The following TAFA1 variants were observed in gnomAD, a reference collection of about 807,000 sequenced individuals.
The protein encoded by TAFA1 is chemokine-like protein TAFA-1.
A neutral mutation model predicts 18.5 loss-of-function variants in TAFA1; 4 were observed. The ratio of observed to expected loss-of-function variants is 0.22; its 90% CI spans 0.11 to 0.49. The LOEUF (loss-of-function observed/expected upper bound fraction) is 0.49. Ranked by LOEUF, TAFA1 falls within the 20% of genes least tolerant of loss-of-function variation. The probability of loss-of-function intolerance (pLI) is 0.98; values close to 1 mark genes in which losing one functional copy is unlikely to be tolerated. For missense variants in TAFA1, 147 were observed against 169.0 expected (o/e 0.87, Z 0.72); for synonymous variants, 56 against 55.2 (o/e 1.01, Z -0.06).
At chr3:68,331,859 T>TTTG (rs2068879713) in intron 2 of TAFA1, among the ~76,000 whole-genome samples, 1 of 126,600 alleles carries the variant, frequency 7.9e-6, no homozygotes, top group Non-Finnish European at 1.7e-5. Context: ...TTCTTTTCTT[T>TTTG]TTTTTTTTTT....
chr3:68,246,453 G>A (rs1160702703), intron 2 of TAFA1, among the ~76,000 whole-genome samples: 2 of 151,588 alleles, frequency 1.3e-5, no homozygotes, highest in South Asian at 2.1e-4. Flanking sequence ...AGCCGGGCGT[G>A]GTGGCGGGCG....
intron 2 of TAFA1, among the ~76,000 whole-genome samples, chr3:68,114,302 C>G (rs2065300456): frequency 6.6e-6 from 1 of 152,118 alleles, no homozygotes; most frequent in African/African-American, 2.4e-5. Flanking sequence ...CCCCACAGAC[C>G]AGTCACAATT....
At chr3:68,516,840 C>T (rs1217063568) in intron 3 of TAFA1, among the ~76,000 whole-genome samples, 1 of 152,100 alleles carries the variant, frequency 6.6e-6, no homozygotes, top group Admixed American at 6.5e-5. Context: ...AATGGAGCAT[C>T]TCAGCTCTCT....
intron 2 of TAFA1, among the ~76,000 whole-genome samples, chr3:68,087,522 TCCTCCCTC>T (rs1284492796): frequency 1.4e-5 from 2 of 142,368 alleles, no homozygotes; most frequent in Non-Finnish European, 3.1e-5. Flanking sequence ...CTCCCTTCCT[TCCTCCCTC>T]CCTCCCTCCC....
chr3:68,195,985 T>C (rs1447314215), intron 2 of TAFA1, among the ~76,000 whole-genome samples: 1 of 151,704 alleles, frequency 6.6e-6, no homozygotes, highest in African/African-American at 2.4e-5. Flanking sequence ...TCTCTCTTCT[T>C]CTGGTCTCAA....
At chr3:68,143,284 A>G (rs1575641899) in intron 2 of TAFA1, among the ~76,000 whole-genome samples, 1 of 152,186 alleles carries the variant, frequency 6.6e-6, no homozygotes, top group Non-Finnish European at 1.5e-5. Flanking sequence ...ATAGCTAAAT[A>G]GGGATTTATG....
intron 2 of TAFA1, among the ~76,000 whole-genome samples, chr3:68,351,555 C>CG (rs1559629419): frequency 6.6e-6 from 1 of 151,976 alleles, no homozygotes; most frequent in African/African-American, 2.4e-5. Flanking sequence ...GGGGGACACT[C>CG]GGAGTAGCTC....
At chr3:68,036,563 G>A (rs1362393048) in intron 2 of TAFA1, among the ~76,000 whole-genome samples, 1 of 152,036 alleles carries the variant, frequency 6.6e-6, no homozygotes, top group Non-Finnish European at 1.5e-5. Context: ...AAGTCGTAGA[G>A]CCTGTCACCT....
intron 2 of TAFA1, among the ~76,000 whole-genome samples, chr3:68,379,435 C>G (rs897275140): frequency 1.3e-5 from 2 of 152,188 alleles, no homozygotes; most frequent in Non-Finnish European, 2.9e-5. Context: ...TTCTCCCATT[C>G]TGTAGGTTGC....
chr3:68,052,039 G>A (rs1014799971), intron 2 of TAFA1, among the ~76,000 whole-genome samples: 2 of 152,008 alleles, frequency 1.3e-5, no homozygotes, highest in African/African-American at 4.8e-5. Context: ...TTACTAAGGT[G>A]TCTCTGTCAA....
At chr3:68,303,653 G>A (rs144003153) in intron 2 of TAFA1, among the ~76,000 whole-genome samples, 16 of 152,164 alleles carry the variant, frequency 1.1e-4, no homozygotes, top group Non-Finnish European at 2.1e-4. Context: ...GTTTCACTGT[G>A]TTAGCCGGGA....
chr3:68,171,338 C>G (rs1575659023), intron 2 of TAFA1, among the ~76,000 whole-genome samples: 1 of 152,086 alleles, frequency 6.6e-6, no homozygotes, highest in Non-Finnish European at 1.5e-5. Context: ...ATAAAGCCTC[C>G]AGAAAGAAAT....
At chr3:68,125,810 A>C (rs1173656292) in intron 2 of TAFA1, among the ~76,000 whole-genome samples, 1 of 152,100 alleles carries the variant, frequency 6.6e-6, no homozygotes, top group Non-Finnish European at 1.5e-5. Flanking sequence ...TTTCTGCTTC[A>C]AGGCCTTTTT....
At chr3:68,240,176 A>G (rs147608776) in intron 2 of TAFA1, among the ~76,000 whole-genome samples, 2 of 152,154 alleles carry the variant, frequency 1.3e-5, no homozygotes, top group Non-Finnish European at 2.9e-5. Flanking sequence ...ATGGCAAATG[A>G]TCTAAGAATA....
intron 2 of TAFA1, among the ~76,000 whole-genome samples, chr3:68,390,613 G>A (rs1297800636): frequency 6.6e-6 from 1 of 152,174 alleles, no homozygotes; most frequent in Non-Finnish European, 1.5e-5. Context: ...GAGGCAGCGG[G>A]CATCTGGCAG....
chr3:68,318,932 T>C (rs2068651695), intron 2 of TAFA1, among the ~76,000 whole-genome samples: 1 of 152,006 alleles, frequency 6.6e-6, no homozygotes. Flanking sequence ...ATAACACTAA[T>C]AAACATCCAT....
chr3:68,112,958 T>G (rs948115179), intron 2 of TAFA1, among the ~76,000 whole-genome samples: 4 of 152,170 alleles, frequency 2.6e-5, no homozygotes, highest in African/African-American at 9.7e-5. Flanking sequence ...TGGAAGAAAT[T>G]TAATCTTAAA....
intron 2 of TAFA1, chr3:68,145,412 G>A: frequency 2.3e-6 from 2 of 852,816 alleles, no homozygotes; most frequent in Non-Finnish European, 4.1e-6. Context: ...TGCAGCCTTT[G>A]TTGGACTTCC....
At chr3:68,475,306 C>G (rs1282054605) in intron 3 of TAFA1, among the ~76,000 whole-genome samples, 7 of 151,870 alleles carry the variant, frequency 4.6e-5, no homozygotes, top group African/African-American at 1.7e-4. Context: ...CTATCCCTCC[C>G]CCATCCCCCC....
Sources: gnomAD v4.1 joint callset for allele counts (sites outside exome capture counted in the v4.1 genomes callset) on GRCh38, gnomAD v4.1.1 for gene constraint, MANE v1.5 for transcripts, NCBI Gene and HGNC (gene_info 2026-07-23, HGNC 2026-07-21) for gene names.